Variants in PDE4B observed in about 807,000 individuals in gnomAD.
PDE4B encodes the protein 3',5'-cyclic-AMP phosphodiesterase 4B.
Under a neutral mutation model 82.2 loss-of-function variants are expected in PDE4B, and 20 were observed. The observed-to-expected ratio is 0.24, with a 90% CI of 0.17 to 0.35. The LOEUF (loss-of-function observed/expected upper bound fraction) is 0.35. PDE4B is among the 10% of genes least tolerant of loss of function. The pLI is 1.00. For synonymous variants in PDE4B, 320 were observed against 318.9 expected, an observed-to-expected ratio of 1.00 and a Z score of -0.04; for missense variants, 655 against 907.2, an observed-to-expected ratio of 0.72 and a Z score of 3.57.
At chr1:65,849,266 G>T (rs1646302594) in intron 1 of PDE4B, among the ~76,000 whole-genome samples, 1 of 152,156 alleles carries the variant, frequency 6.6e-6, no homozygotes, top group South Asian at 2.1e-4. Context: ...CTCAAGGAGG[G>T]GTTGGGAAGC....
At chr1:66,248,207 C>G (rs138364082) in intron 4 of PDE4B, among the ~76,000 whole-genome samples, 4 of 152,292 alleles carry the variant, frequency 2.6e-5, no homozygotes, top group African/African-American at 9.6e-5. Context: ...CTGTAAAGCA[C>G]TGCTGATATT....
intron 7 of PDE4B, among the ~76,000 whole-genome samples, chr1:66,299,111 G>A (rs959846512): frequency 2.7e-4 from 41 of 152,026 alleles, no homozygotes; most frequent in East Asian, 1.9e-4. Flanking sequence ...AGCTTTGAAC[G>A]TATACAATAA....
intron 1 of PDE4B, among the ~76,000 whole-genome samples, chr1:65,799,325 G>C (rs958911115): frequency 1.1e-4 from 16 of 152,166 alleles, no homozygotes; most frequent in African/African-American, 3.6e-4. Context: ...TAAGAAATCA[G>C]AATTGCCTTC....
At chr1:66,316,952 G>T (rs1405497675) in intron 7 of PDE4B, among the ~76,000 whole-genome samples, 1 of 152,202 alleles carries the variant, frequency 6.6e-6, no homozygotes, top group Non-Finnish European at 1.5e-5. Flanking sequence ...TAAATTAGGA[G>T]AAATTGGCCA....
intron 3 of PDE4B, among the ~76,000 whole-genome samples, chr1:66,020,262 C>G (rs886356479): frequency 6.6e-6 from 1 of 151,888 alleles, no homozygotes; most frequent in South Asian, 2.1e-4. Flanking sequence ...AAATAGTGAA[C>G]GTTAGGAAGG....
intron 3 of PDE4B, among the ~76,000 whole-genome samples, chr1:66,198,121 C>T (rs980959973): frequency 1.3e-5 from 2 of 152,076 alleles, no homozygotes; most frequent in African/African-American, 4.8e-5. Context: ...CTTAATGTTA[C>T]TAATGTTAAT....
intron 8 of PDE4B, among the ~76,000 whole-genome samples, chr1:66,347,101 T>C (rs1020263807): frequency 6.6e-6 from 1 of 152,150 alleles, no homozygotes; most frequent in Admixed American, 6.5e-5. Context: ...TTAGCTGAGG[T>C]CACTGGTAAG....
At chr1:65,875,806 TG>T (rs1646633863) in intron 1 of PDE4B, among the ~76,000 whole-genome samples, 2 of 47,372 alleles carry the variant, frequency 4.2e-5, no homozygotes, top group Non-Finnish European at 7.6e-5. Flanking sequence ...TGTGGTGGGG[TG>T]GGGGGAGGGG....
intron 3 of PDE4B, among the ~76,000 whole-genome samples, chr1:66,184,829 T>C (rs1647147461): frequency 6.7e-6 from 1 of 149,322 alleles, no homozygotes; most frequent in Non-Finnish European, 1.5e-5. Context: ...TTAACTTTAT[T>C]GTGCCCCAGT....
At chr1:66,039,018 C>T (rs1169574416) in intron 3 of PDE4B, among the ~76,000 whole-genome samples, 1 of 151,942 alleles carries the variant, frequency 6.6e-6, no homozygotes, top group Non-Finnish European at 1.5e-5. Context: ...CCCCAGAATC[C>T]CACAGAATTT....
chr1:66,204,217 A>C (rs571575227), intron 3 of PDE4B, among the ~76,000 whole-genome samples: 11 of 152,278 alleles, frequency 7.2e-5, no homozygotes, highest in South Asian at 2.1e-4. Context: ...AGTTTTGTCT[A>C]AGAGGAGTAC....
chr1:66,134,365 C>T (rs1311226260), intron 3 of PDE4B, among the ~76,000 whole-genome samples: 4 of 152,186 alleles, frequency 2.6e-5, no homozygotes, highest in Non-Finnish European at 5.9e-5. Flanking sequence ...CTCAAAGGTA[C>T]CACGGCCTTT....
intron 3 of PDE4B, among the ~76,000 whole-genome samples, chr1:66,140,173 A>C (rs1364881600): frequency 6.6e-6 from 1 of 152,144 alleles, no homozygotes; most frequent in African/African-American, 2.4e-5. Flanking sequence ...ACCCAATTAA[A>C]AATGATGCAA....
intron 7 of PDE4B, among the ~76,000 whole-genome samples, chr1:66,319,731 C>A (rs1659270094): frequency 6.6e-6 from 1 of 152,106 alleles, no homozygotes; most frequent in Non-Finnish European, 1.5e-5. Flanking sequence ...ACAATAATAC[C>A]TCTCTCGAAA....
At chr1:66,038,277 T>C (rs1463626016) in intron 3 of PDE4B, among the ~76,000 whole-genome samples, 1 of 152,160 alleles carries the variant, frequency 6.6e-6, no homozygotes, top group Non-Finnish European at 1.5e-5. Context: ...ACATGAAGTA[T>C]AACTGTATAA....
At chr1:65,987,908 C>T (rs931665016) in intron 3 of PDE4B, among the ~76,000 whole-genome samples, 2 of 152,192 alleles carry the variant, frequency 1.3e-5, no homozygotes, top group African/African-American at 4.8e-5. Context: ...GCAACTGTAC[C>T]CGGACTTGCG....
chr1:66,072,513 A>G (rs1656204591), intron 3 of PDE4B, among the ~76,000 whole-genome samples: 1 of 152,110 alleles, frequency 6.6e-6, no homozygotes, highest in Admixed American at 6.6e-5. Context: ...AAGGAGTGCA[A>G]GCAGCTAGGT....
intron 1 of PDE4B, among the ~76,000 whole-genome samples, chr1:65,824,661 A>G (rs1051113567): frequency 4.8e-5 from 7 of 147,238 alleles, no homozygotes; most frequent in African/African-American, 1.5e-4. Context: ...ATATACATAC[A>G]TATATATATA....
chr1:65,929,973 G>A (rs987498904), intron 3 of PDE4B, among the ~76,000 whole-genome samples: 1 of 152,052 alleles, frequency 6.6e-6, no homozygotes. Context: ...ACCATTCTTG[G>A]TACCAAAATC....
Sources: allele counts gnomAD v4.1 joint callset (sites outside exome capture counted in the v4.1 genomes callset), GRCh38; gene constraint gnomAD v4.1.1; transcripts MANE v1.5; gene names NCBI Gene and HGNC (gene_info 2026-07-23, HGNC 2026-07-21).